NAV1: variants seen among roughly 807,000 people sequenced by gnomAD.
NAV1 encodes pore membrane and/or filament interacting like protein 3.
A neutral mutation model predicts 175.2 loss-of-function variants in NAV1; 18 were observed. That is an observed-to-expected ratio of 0.10 (90% CI 0.07 to 0.15). The LOEUF (loss-of-function observed/expected upper bound fraction) is 0.15, where lower values mean the gene tolerates loss of function less well. NAV1 is among the 10% of genes least tolerant of loss of function. NAV1 has a pLI of 1.00. For synonymous variants in NAV1, 897 were observed against 978.7 expected, an observed-to-expected ratio of 0.92 and a Z score of 1.56; for missense variants, 1,731 against 2,436.6, an observed-to-expected ratio of 0.71 and a Z score of 6.10.
rs1482083210 is a variant in NAV1, at chr1:201,694,182, C to T, written c.758-18635C>T. Among the ~76,000 whole-genome samples, 1 of 152,208 alleles carries T rather than the reference C, an allele frequency of 6.6e-6. No homozygotes were observed. Among genetic ancestry groups the T allele is most frequent in the Non-Finnish European group, 1.5e-5 (1 of 68,026 alleles). On this transcript the variant is annotated intron_variant, in intron 1 of 29. Transcript: ENST00000367296. The surrounding 1 kb of genome is among the most constrained non-coding windows in gnomAD (Gnocchi z 4.2). ...CTGAGCAAAGGAGGGTGCCAGAACA[C>T]GGAGAGCTGGAGGGGACCAGCAGCC...
intron 1 of NAV1, among the ~76,000 whole-genome samples, chr1:201,555,829 C>T (rs958353026): frequency 4.0e-5 from 5 of 124,438 alleles, no homozygotes; most frequent in African/African-American, 6.4e-5. Context: ...GATGGGTTCC[C>T]GGGTGCTGGA....
intron 1 of NAV1, among the ~76,000 whole-genome samples, chr1:201,553,423 G>A (rs1238082751): frequency 6.6e-6 from 1 of 152,254 alleles, no homozygotes; most frequent in African/African-American, 2.4e-5. Flanking sequence ...GAGAGAAGCA[G>A]GAGAAAATGT....
intron 1 of NAV1, among the ~76,000 whole-genome samples, chr1:201,581,160 C>T (rs1257603199): frequency 6.6e-6 from 1 of 152,136 alleles, no homozygotes; most frequent in Non-Finnish European, 1.5e-5. Flanking sequence ...GAGCAGTCAT[C>T]CTGGGATGGA....
intron 15 of NAV1, among the ~76,000 whole-genome samples, chr1:201,799,180 G>GT (rs1013343807): frequency 7.0e-4 from 106 of 151,970 alleles, no homozygotes; most frequent in Middle Eastern, 3.4e-3. Flanking sequence ...AAGAAACTGT[G>GT]TGTGTGTGTG....
chr1:201,795,812 A>G (rs1183775465), intron 15 of NAV1: 17 of 142,950 alleles, frequency 1.2e-4, no homozygotes, highest in Admixed American at 9.5e-4. Context: ...CAGTGGCGTG[A>G]TCTCAGCTTA....
intron 1 of NAV1, among the ~76,000 whole-genome samples, chr1:201,661,007 CTG>C (rs1669592445): frequency 6.6e-6 from 1 of 152,168 alleles, no homozygotes; most frequent in South Asian, 2.1e-4. Flanking sequence ...CTTGTTGACA[CTG>C]TTATATAAGA....
upstream of NAV1, among the ~76,000 whole-genome samples, chr1:201,619,157 C>T (rs542070810): frequency 2.6e-5 from 4 of 152,330 alleles, no homozygotes; most frequent in East Asian, 5.8e-4. Context: ...CTCCTCCCAT[C>T]GAGCTTTTGA....
chr1:201,807,940 T>G lies in NAV1; in HGVS notation c.3649-13T>G. Reference sequence around the variant, plus strand: ...GTCCTAATGTCCCTCTACCTGGATCTGCTTTTTTCTAGCTTCGAAGTTCCT... The same window carrying G: ...GTCCTAATGTCCCTCTACCTGGATCGGCTTTTTTCTAGCTTCGAAGTTCCT... On this transcript the variant is annotated splice_polypyrimidine_tract_variant and intron_variant, in intron 17 of 29. Transcript: ENST00000367296. This position sits in a 1 kb window ranked among gnomAD's most constrained non-coding sequence, Gnocchi z 5.4. 1 of 1,614,110 alleles carries G rather than the reference T, an allele frequency of 6.2e-7. No homozygotes were observed. The highest frequency in any genetic ancestry group is 1.7e-5 in the Admixed American group (1 of 60,006).
rs142076304 is a variant in NAV1 at position 201,586,691 on chromosome 1, G to C, written c.-143-1848G>C. On this transcript the variant is annotated intron_variant, in intron 1 of 33. Coordinates refer to the NAV1 transcript ENST00000685211. ...CAGGGAGAGAAGGAGAGAGGGAGAG[G>C]GGGAGAGAGAGAGATCTTTGGTATC... Among the ~76,000 whole-genome samples, 487 of 152,042 alleles carry C rather than the reference G, an allele frequency of 3.2e-3. 3 individuals are homozygous for C. The highest frequency in any genetic ancestry group is 0.011 in the African/African-American group (452 of 41,482).
At chr1:201,719,043 CT>C (rs971806096) in intron 3 of NAV1, among the ~76,000 whole-genome samples, 2 of 151,992 alleles carry the variant, frequency 1.3e-5, no homozygotes, top group African/African-American at 4.8e-5. Flanking sequence ...ACCCTCCTCC[CT>C]GGCTCTTTGC....
intron 1 of NAV1, among the ~76,000 whole-genome samples, chr1:201,582,660 A>G (rs677390): frequency 0.38 from 57,634 of 152,120 alleles, 12,473 homozygotes; most frequent in African/African-American, 0.58. Flanking sequence ...CCAAGGGGTG[A>G]GGAAATCCAA....
At chr1:201,626,086 G>A (rs377281099) in intron 1 of NAV1, among the ~76,000 whole-genome samples, 3 of 152,124 alleles carry the variant, frequency 2.0e-5, no homozygotes, top group East Asian at 1.9e-4. Flanking sequence ...TCAAGGGTGC[G>A]ATTAGGACCA....
At chr1:201,574,170 G>A (rs1666627414) in intron 1 of NAV1, among the ~76,000 whole-genome samples, 1 of 152,190 alleles carries the variant, frequency 6.6e-6, no homozygotes, top group African/African-American at 2.4e-5. Flanking sequence ...GAGAAAACAA[G>A]AAGTGACCTC....
chr1:201,635,703 C>G (rs1362291293), intron 2 of NAV1, among the ~76,000 whole-genome samples: 1 of 152,116 alleles, frequency 6.6e-6, no homozygotes, highest in African/African-American at 2.4e-5. Flanking sequence ...AGAATTACCC[C>G]CTATACCCAA....
At chr1:201,660,102 A>G (rs1350025147) in intron 1 of NAV1, among the ~76,000 whole-genome samples, 1 of 152,048 alleles carries the variant, frequency 6.6e-6, no homozygotes, top group Non-Finnish European at 1.5e-5. Context: ...CCAGGGGTGG[A>G]GCATTTACAG....
At position 201,718,786 on chromosome 1, in the gene NAV1, G is replaced by A. The variant is rs1034148240; in HGVS notation, c.1226+31G>A. The A allele has an allele frequency of 1.0e-5, 16 of 1,572,520 alleles. No homozygotes were observed. In the Middle Eastern group the frequency reaches 7.3e-4, roughly 72 times the overall value. ...CGCAGGGGCTTCTTGGATGGCGGGGGAGGATGGTGGAAAGACCACTGGGAT... is the reference window on the plus strand; with the variant it reads ...CGCAGGGGCTTCTTGGATGGCGGGGAAGGATGGTGGAAAGACCACTGGGAT... On this transcript the variant is annotated intron_variant, in intron 3 of 29. Coordinates refer to ENST00000367296, the Ensembl canonical transcript of NAV1. The surrounding 1 kb of genome is among the most constrained non-coding windows in gnomAD (Gnocchi z 4.8).
At chr1:201,623,355 A>G in exon 1 of NAV1, 1 of 985,938 alleles carries the variant, frequency 1.0e-6, no homozygotes, top group Non-Finnish European at 1.2e-6. Context: ...GAGAAACTCA[A>G]ATACCAGGGG....
chr1:201,603,232 G>A (rs929977904), intron 2 of NAV1, among the ~76,000 whole-genome samples: 2 of 152,138 alleles, frequency 1.3e-5, no homozygotes, highest in African/African-American at 2.4e-5. Context: ...AAGATTTTAC[G>A]GTTTCCTGGG....
chr1:201,701,084 A>G (rs1671404204), intron 1 of NAV1, among the ~76,000 whole-genome samples: 1 of 151,430 alleles, frequency 6.6e-6, no homozygotes, highest in African/African-American at 2.4e-5. Flanking sequence ...ATGCAGCCAT[A>G]AAAAAGGATG....
Sources: allele counts gnomAD v4.1 joint callset (sites outside exome capture counted in the v4.1 genomes callset), GRCh38; gene constraint gnomAD v4.1.1; non-coding constraint Gnocchi (gnomAD v3.1); transcripts MANE v1.5; gene names NCBI Gene and HGNC (gene_info 2026-07-23, HGNC 2026-07-21).